The following PCDHGA7 variants were observed in gnomAD, a reference collection of about 807,000 sequenced individuals.
PCDHGA7 encodes protocadherin gamma subfamily A, 7.
PCDHGA7 carries 44 observed loss-of-function variants against 58.3 expected under a neutral mutation model. The ratio of observed to expected loss-of-function variants is 0.75; its 90% CI spans 0.59 to 0.97. The LOEUF (loss-of-function observed/expected upper bound fraction) is 0.97. PCDHGA7 is among the 50% of genes least tolerant of loss of function. The pLI, the probability that PCDHGA7 is intolerant of heterozygous loss-of-function variation, is 0.00. For synonymous variants in PCDHGA7, 516 were observed against 504.2 expected (o/e 1.02, Z -0.31); for missense variants, 1,266 against 1,188.7 (o/e 1.06, Z -0.96).
intron 1 of PCDHGA7, among the ~76,000 whole-genome samples, chr5:141,401,573 G>A (rs372919699): frequency 4.6e-5 from 7 of 152,128 alleles, no homozygotes; most frequent in East Asian, 3.9e-4. Context: ...TCTCTTGCTC[G>A]GAATCCTGAC....
chr5:141,393,508 T>A (rs540869636), intron 1 of PCDHGA7: 2 of 1,614,010 alleles, frequency 1.2e-6, no homozygotes, highest in East Asian at 4.5e-5. Flanking sequence ...CACGTGACAG[T>A]GTTGGATACA....
chr5:141,432,073 C>T lies in PCDHGA7; in HGVS notation c.2424+46750C>T, dbSNP rs1276949951. On this transcript the variant is annotated intron_variant, in intron 1 of 3. Transcript: ENST00000518325. This position sits in a 1 kb window ranked among gnomAD's most constrained non-coding sequence, Gnocchi z 6.0. ...CGCCCCTATCCACGGAAACTCATAT[C>T]TCGCTGAACGTGGCAGACACCAACG... is the stretch of plus-strand genomic sequence containing the variant. 3.1e-6 allele frequency: 5 copies of T among 1,614,208 alleles called. No homozygotes were observed. Among genetic ancestry groups the T allele is most frequent in the Non-Finnish European group, 4.2e-6 (5 of 1,180,040 alleles).
Position 141,431,530 on chromosome 5 carries a change from G to A in PCDHGA7, c.2424+46207G>A. On this transcript the variant is annotated intron_variant, in intron 1 of 3. Transcript: ENST00000518325. The surrounding 1 kb of genome is among the most constrained non-coding windows in gnomAD (Gnocchi z 4.8). ...CGAGCGTTCCGGAGAATCTGGCCTT[G>A]GGCACGCAGCTGCTTGTAGTCAACG... 3 of 1,614,072 alleles carry A rather than the reference G, an allele frequency of 1.9e-6. No homozygotes were observed. In the South Asian group the frequency reaches 3.3e-5, roughly 18 times the overall value.
intron 1 of PCDHGA7, among the ~76,000 whole-genome samples, chr5:141,494,218 T>C (rs1224329242): frequency 1.3e-5 from 2 of 152,222 alleles, no homozygotes; most frequent in South Asian, 2.1e-4. Context: ...CAATCTGGCA[T>C]GACTCCTAAA....
At position 141,426,367 on chromosome 5, in the gene PCDHGA7, G is replaced by A. The variant is rs557191606; in HGVS notation, c.2424+41044G>A. The A allele has an allele frequency of 8.2e-4, 168 of 204,486 alleles. 3 individuals are homozygous for A. The South Asian group carries it at 0.014, about 17-fold the overall frequency. 12.7% of individuals were successfully genotyped at this position (204,486 alleles called of 1,614,324 possible). ...TTTCCTGCTGCCTTTGTTCTGCGGG[G>A]CACCCTCGGAGCAGATCCGCTACTC... is the stretch of plus-strand genomic sequence containing the variant. On this transcript the variant is annotated intron_variant, in intron 1 of 3. Transcript: ENST00000518325.
intron 1 of PCDHGA7, among the ~76,000 whole-genome samples, chr5:141,472,402 G>A (rs569497172): frequency 8.5e-5 from 13 of 152,160 alleles, no homozygotes; most frequent in South Asian, 2.1e-4. Context: ...TTAGCCAGGC[G>A]TGGTGGCACG....
chr5:141,500,043 T>A (rs1240979831), intron 2 of PCDHGA7, among the ~76,000 whole-genome samples: 1 of 152,048 alleles, frequency 6.6e-6, no homozygotes, highest in East Asian at 1.9e-4. Flanking sequence ...CTCTTAAGTA[T>A]CTTAATGCTC....
At chr5:141,430,220 G>A (rs1216694883) in intron 1 of PCDHGA7, among the ~76,000 whole-genome samples, 1 of 148,674 alleles carries the variant, frequency 6.7e-6, no homozygotes, top group Non-Finnish European at 1.5e-5. Flanking sequence ...TATATTATAT[G>A]ATTTGTCAAA....
chr5:141,400,051 G>T, intron 1 of PCDHGA7: 1 of 1,613,762 alleles, frequency 6.2e-7, no homozygotes. Context: ...GCTGGTTGCT[G>T]TGCGTGATGG....
rs759226115 is a variant in PCDHGA7 at position 141,405,385 on chromosome 5, A to AT, written c.2424+20070dup. 3.1e-5 allele frequency: 49 copies of AT among 1,599,976 alleles called. 1 individual carries two copies. The highest frequency in any genetic ancestry group is 2.8e-4 in the Admixed American group (16 of 56,782). On this transcript the variant is annotated intron_variant, in intron 1 of 3. Coordinates refer to ENST00000518325, the MANE Select transcript of PCDHGA7 (RefSeq NM_018920.4). ...ACACCCCTTTGGTTCCGGTGAGTTC[A>AT]TTTTTTTTCTTTCTTTCTTTTCTTT...
intron 1 of PCDHGA7, chr5:141,398,970 C>G (rs1320199481): frequency 6.2e-7 from 1 of 1,613,958 alleles, no homozygotes; most frequent in South Asian, 1.1e-5. Flanking sequence ...CTTATTCCTT[C>G]TACAGAACCG....
At chr5:141,400,036 C>G (rs1232257433) in intron 1 of PCDHGA7, 28 of 1,613,256 alleles carry the variant, frequency 1.7e-5, no homozygotes, top group Non-Finnish European at 2.4e-5. Context: ...GGCCCGCCAG[C>G]GCCTGCTGGT....
chr5:141,450,490 T>C (rs1480357834), intron 1 of PCDHGA7, among the ~76,000 whole-genome samples: 1 of 152,164 alleles, frequency 6.6e-6, no homozygotes, highest in Non-Finnish European at 1.5e-5. Context: ...TTTGTTTGTC[T>C]GTTTGTTTGT....
chr5:141,383,761 C>G lies in PCDHGA7; in HGVS notation c.862C>G (p.Leu288Val), dbSNP rs923900490. The G allele has an allele frequency of 9.3e-6, 15 of 1,613,834 alleles. No individual in the cohort carries two copies. The highest frequency in any genetic ancestry group is 1.1e-5 in the Non-Finnish European group (13 of 1,179,888). The change falls in exon 1 of 4, where the codon CTT becomes GTT. Residue 288 changes from leucine to valine, a missense_variant. Coordinates refer to ENST00000518325, the MANE Select transcript of PCDHGA7 (RefSeq NM_018920.4). ...TYSFRKITPK[L>V]PKMFHLNSLT... The stretch of plus-strand genomic sequence containing the variant: ...TTCTTTTCGGAAAATAACTCCTAAA[C>G]TTCCAAAGATGTTTCATCTGAACTC...
chr5:141,435,542 A>C (rs1402711516), intron 1 of PCDHGA7, among the ~76,000 whole-genome samples: 1 of 152,146 alleles, frequency 6.6e-6, no homozygotes, highest in Non-Finnish European at 1.5e-5. Flanking sequence ...GAATTAACAA[A>C]ATGTGTTTTG....
chr5:141,475,903 G>C, intron 1 of PCDHGA7: 5 of 576,064 alleles, frequency 8.7e-6, no homozygotes, highest in Non-Finnish European at 1.5e-5. Context: ...TGCCGCTGTC[G>C]GCCAATGAAG....
At chr5:141,394,859 C>G in intron 1 of PCDHGA7, 4 of 1,613,758 alleles carry the variant, frequency 2.5e-6, no homozygotes, top group Non-Finnish European at 3.4e-6. Flanking sequence ...AGCCTTCGGT[C>G]GACCCGAACG....
chr5:141,392,735 C>T, intron 1 of PCDHGA7: 1 of 1,428,540 alleles, frequency 7.0e-7, no homozygotes, highest in East Asian at 2.5e-5. Context: ...ATTGTCATCT[C>T]CATAGCTGCG....
intron 1 of PCDHGA7, among the ~76,000 whole-genome samples, chr5:141,435,698 A>G (rs954167256): frequency 1.3e-5 from 2 of 152,184 alleles, no homozygotes; most frequent in African/African-American, 4.8e-5. Context: ...CTTATTGTAG[A>G]GTGGTTACAG....
Sources: allele counts gnomAD v4.1 joint callset (sites outside exome capture counted in the v4.1 genomes callset), GRCh38; gene constraint gnomAD v4.1.1; non-coding constraint Gnocchi (gnomAD v3.1); transcripts MANE v1.5; gene names NCBI Gene and HGNC (gene_info 2026-07-23, HGNC 2026-07-21).